The following RBM48 variants were observed in gnomAD, a reference collection of about 807,000 sequenced individuals.
The protein encoded by RBM48 is RNA binding motif protein 48, also known as RNA-binding protein 48.
Under a neutral mutation model 34.8 loss-of-function variants are expected in RBM48, and 32 were observed. That is an observed-to-expected ratio of 0.92 (90% CI 0.69 to 1.23). RBM48 has a LOEUF of 1.23. Among genes scored for constraint, RBM48 ranks in the 50% most tolerant of loss-of-function variants. The pLI, the probability that RBM48 is intolerant of heterozygous loss-of-function variation, is 0.00. For synonymous variants in RBM48, 151 were observed against 156.2 expected (o/e 0.97, Z 0.25); for missense variants, 441 against 447.2 (o/e 0.99, Z 0.12).
intron 4 of RBM48, 67 bp from the exon 5 acceptor site, chr7:92,536,784 C>T: frequency 1.3e-6 from 2 of 1,496,580 alleles, no homozygotes; most frequent in South Asian, 2.7e-5. Flanking sequence ...CTTACCTCTT[C>T]TAATAGCTTA....
chr7:92,536,955 AGT>A lies in RBM48; in HGVS notation c.*19_*20del, dbSNP rs1226292506. On this transcript the variant is annotated 3_prime_UTR_variant, in exon 5 of 5. Transcript: ENST00000265732. ...GAATATAGAGTGCCAGCAGCAACTT[AGT>A]ATTTTCTAAAAAGAACATTTATTAT... is the stretch of plus-strand genomic sequence containing the variant. The A allele has an allele frequency of 2.0e-6, 3 of 1,512,434 alleles. No homozygotes were observed. The highest frequency in any genetic ancestry group is 2.5e-5 in the South Asian group (2 of 79,776). 93.7% of individuals were successfully genotyped at this position (1,512,434 alleles called of 1,614,324 possible).
At position 92,540,029 on chromosome 7, in the gene RBM48, G is replaced by A. The variant is rs1404668311; in HGVS notation, c.*3092G>A. Among the ~76,000 whole-genome samples the A allele has an allele frequency of 4.6e-5, 7 of 152,184 alleles. No individual in the cohort carries two copies. The highest frequency in any genetic ancestry group is 3.3e-4 in the Admixed American group (5 of 15,276). Reference sequence around the variant, plus strand: ...AAATACACCATACTTACAGGAAACAGGAATTGTCTATTGCTAAAGAGGTTA... The same window carrying A: ...AAATACACCATACTTACAGGAAACAAGAATTGTCTATTGCTAAAGAGGTTA... On this transcript the variant is annotated 3_prime_UTR_variant, in exon 5 of 5. Transcript: ENST00000265732.
chr7:92,532,385 A>G lies in RBM48; in HGVS notation c.303-19A>G, dbSNP rs754561897. The G allele has an allele frequency of 6.3e-7, 1 of 1,590,926 alleles. No homozygotes were observed. Among genetic ancestry groups the G allele is most frequent in the African/African-American group, 1.4e-5 (1 of 73,416 alleles). Reference sequence around the variant, plus strand: ...TAAATCTAGATTAAAAAACTATGCTATCTTGTATTTCCATTCAGGACAGCC... The same window carrying G: ...TAAATCTAGATTAAAAAACTATGCTGTCTTGTATTTCCATTCAGGACAGCC... On this transcript the variant is annotated intron_variant, in intron 2 of 4. Coordinates refer to ENST00000265732, the MANE Select transcript of RBM48 (RefSeq NM_032120.4).
chr7:92,533,383 A>G (rs1363203590), intron 3 of RBM48, among the ~76,000 whole-genome samples: 1 of 152,260 alleles, frequency 6.6e-6, no homozygotes, highest in Non-Finnish European at 1.5e-5. Context: ...TAAGTCTCAG[A>G]AAGTTTGTGA....
chr7:92,529,398 C>G, intron 1 of RBM48, 78 bp from the exon 2 acceptor site: 1 of 844,012 alleles, frequency 1.2e-6, no homozygotes, highest in Non-Finnish European at 1.9e-6. Flanking sequence ...TTTCAAAGTT[C>G]TCTTTAAAAA....
chr7:92,534,362 C>G (rs1793649560), intron 3 of RBM48, 40 bp from the exon 4 acceptor site: 9 of 1,568,328 alleles, frequency 5.7e-6, no homozygotes, highest in African/African-American at 1.4e-5. Context: ...TAAACCACTT[C>G]TGTTTCCCTT....
rs991167798 is a variant in RBM48, at chr7:92,538,611, T to C, written c.*1674T>C. ...GCTGAAATCTCAGGTAAAGGATATA[T>C]TAGAGACCTAAGCATAGAATTGGAA... On this transcript the variant is annotated 3_prime_UTR_variant, in exon 5 of 5. Coordinates refer to ENST00000265732, the MANE Select transcript of RBM48 (RefSeq NM_032120.4). 4.6e-5 allele frequency among the ~76,000 whole-genome samples: 7 copies of C among 152,288 alleles called. No individual in the cohort carries two copies. Among genetic ancestry groups the C allele is most frequent in the Admixed American group, 3.9e-4 (6 of 15,292 alleles).
rs1562880849 is a variant in RBM48, at chr7:92,540,206, A to G, written c.*3269A>G. ...CAGAGGAGAGTGTCTAGCAAGTATTACTCTCTGACCCTTTAAAATTTTTCC... is the reference window on the plus strand; with the variant it reads ...CAGAGGAGAGTGTCTAGCAAGTATTGCTCTCTGACCCTTTAAAATTTTTCC... On this transcript the variant is annotated 3_prime_UTR_variant, in exon 5 of 5. Coordinates refer to ENST00000265732, the MANE Select transcript of RBM48 (RefSeq NM_032120.4). 6.6e-6 allele frequency: 1 copy of G among 152,200 alleles called. No homozygotes were observed. Among genetic ancestry groups the G allele is most frequent in the Non-Finnish European group, 1.5e-5 (1 of 68,044 alleles). 9.4% of individuals were successfully genotyped at this position (152,200 alleles called of 1,614,324 possible).
At position 92,534,962 on chromosome 7, in the gene RBM48, C is replaced by G. The variant is rs926781785; in HGVS notation, c.1009C>G (p.Leu337Val). 1 of 1,614,044 alleles carries G rather than the reference C, an allele frequency of 6.2e-7. No individual in the cohort carries two copies. The highest frequency in any genetic ancestry group is 8.5e-7 in the Non-Finnish European group (1 of 1,179,994). The change falls in exon 4 of 5, where the codon CTT (leucine) becomes GTT (valine). Residue 337 changes from leucine (L) to valine (V), a missense_variant. By Grantham distance (32) the Leu-to-Val change is conservative. Transcript: ENST00000265732. The part of the protein sequence containing the change: ...NTTANLIRHK[L>V]KEVISSVPKP... ...AACGGCGAATTTAATTCGGCATAAA[C>G]TTAAAGAGGTAAGGTTATTTTTAAA... is the stretch of plus-strand genomic sequence containing the variant.
chr7:92,534,146 A>C (rs1298886292), intron 3 of RBM48: 3 of 454,148 alleles, frequency 6.6e-6, no homozygotes, highest in Non-Finnish European at 1.2e-5. Context: ...TAAATAAAAA[A>C]CAATAGTGAT....
chr7:92,535,757 C>A, intron 4 of RBM48: 1 of 972,968 alleles, frequency 1.0e-6, no homozygotes, highest in Non-Finnish European at 1.2e-6. Context: ...CATATATGTA[C>A]ATTTTTTACC....
At chr7:92,529,436 T>A (rs1033503874) in intron 1 of RBM48, 40 bp from the exon 2 acceptor site, 18 of 1,284,040 alleles carry the variant, frequency 1.4e-5, no homozygotes, top group Non-Finnish European at 1.9e-5. Context: ...GTCCTAGGCT[T>A]ATTTGCGAAA....
rs1214617819 is a variant in RBM48, at chr7:92,529,624, C to G, written c.260C>G (p.Thr87Ser). ...ALDEYPAEDF[T>S]EVYLIKFMNL... is the part of the protein sequence containing the mutation. ...GATGAATACCCAGCAGAAGACTTTA[C>G]TGAAGTTTATCTTATTAAATTTATG... Residue 87 changes from threonine (T) to serine (S), a missense_variant, in exon 2 of 5, where the codon ACT becomes AGT. By Grantham distance (58) the Thr-to-Ser change is moderately conservative. Coordinates refer to ENST00000265732, the MANE Select transcript of RBM48 (RefSeq NM_032120.4). The G allele has an allele frequency of 1.9e-6, 3 of 1,607,324 alleles. No individual in the cohort carries two copies. Among genetic ancestry groups the G allele is most frequent in the Non-Finnish European group, 2.6e-6 (3 of 1,176,216 alleles).
chr7:92,533,916 A>G (rs1272553386), intron 3 of RBM48, among the ~76,000 whole-genome samples: 1 of 151,754 alleles, frequency 6.6e-6, no homozygotes, highest in East Asian at 1.9e-4. Context: ...TGACTAACAA[A>G]CACAAGCCAA....
At chr7:92,533,761 A>G (rs1040764117) in intron 3 of RBM48, among the ~76,000 whole-genome samples, 2 of 152,208 alleles carry the variant, frequency 1.3e-5, no homozygotes, top group Non-Finnish European at 1.5e-5. Context: ...TAATATTAAC[A>G]TTAACAATCA....
chr7:92,535,254 C>T, intron 4 of RBM48: 1 of 1,287,186 alleles, frequency 7.8e-7, no homozygotes, highest in Non-Finnish European at 9.9e-7. Flanking sequence ...AGAGTGGAGC[C>T]CAGGCCTGCC....
intron 4 of RBM48, chr7:92,536,343 T>C (rs192910304): frequency 2.0e-5 from 20 of 978,284 alleles, no homozygotes; most frequent in Non-Finnish European, 2.3e-5. Context: ...ATTTTCCATT[T>C]CAAATGAAGA....
In RBM48 at chr7:92,539,643, G is replaced by A. The variant is rs1793813156; in HGVS notation, c.*2706G>A. Reference sequence around the variant, plus strand: ...GAACCCAGGAGGCAGAGATCGCAGTGAGTTGAGATTGTACCACTGCACTCC... The same window carrying A: ...GAACCCAGGAGGCAGAGATCGCAGTAAGTTGAGATTGTACCACTGCACTCC... On this transcript the variant is annotated 3_prime_UTR_variant, in exon 5 of 5. Coordinates refer to ENST00000265732, the MANE Select transcript of RBM48 (RefSeq NM_032120.4). Among the ~76,000 whole-genome samples the A allele has an allele frequency of 6.6e-6, 1 of 152,224 alleles. No individual in the cohort carries two copies. Among genetic ancestry groups the A allele is most frequent in the Admixed American group, 6.5e-5 (1 of 15,278 alleles).
rs1243597065 is a variant in RBM48 at position 92,539,101 on chromosome 7, C to CCAT, written c.*2166_*2168dup. Among the ~76,000 whole-genome samples the CCAT allele has an allele frequency of 6.6e-6, 1 of 152,180 alleles. No homozygotes were observed. On this transcript the variant is annotated 3_prime_UTR_variant, in exon 5 of 5. Transcript: ENST00000265732. ...GCTGCCAGTGCTGCTGGTGCACAGA[C>CCAT]CATCTTTGAATAGCAAGGCTCTAGA...
Sources: allele counts gnomAD v4.1 joint callset (sites outside exome capture counted in the v4.1 genomes callset), GRCh38; gene constraint gnomAD v4.1.1; transcripts MANE v1.5; gene names NCBI Gene and HGNC (gene_info 2026-07-23, HGNC 2026-07-21).